Variants in DNAH14 observed in about 807,000 individuals in gnomAD.
The protein encoded by DNAH14 is dynein axonemal heavy chain 14.
In DNAH14, 478 loss-of-function variants were observed where a neutral mutation model predicts 520.9. That is an observed-to-expected ratio of 0.92 (90% CI 0.85 to 0.99). The LOEUF is 0.99. DNAH14 is among the 50% of genes least tolerant of loss of function. The pLI, the probability that DNAH14 is intolerant of heterozygous loss-of-function variation, is 0.00. For synonymous variants in DNAH14, 1,581 were observed against 1,757.2 expected (o/e 0.90, Z 2.51); for missense variants, 4,831 against 5,234.5 (o/e 0.92, Z 2.38).
chr1:225,085,514 G>A, intron 20 of DNAH14, 30 bp from the exon 21 acceptor site: 1 of 1,513,306 alleles, frequency 6.6e-7, no homozygotes, highest in Non-Finnish European at 8.9e-7. Context: ...TTGCTATACT[G>A]GATACTAAAG....
intron 11 of DNAH14, among the ~76,000 whole-genome samples, chr1:225,026,556 C>T (rs2066136718): frequency 6.6e-6 from 1 of 152,110 alleles, no homozygotes; most frequent in Admixed American, 6.6e-5. Flanking sequence ...CCCTCGTTGA[C>T]AATCAGCTGA....
In DNAH14 at chr1:225,360,621, T is replaced by C. The variant is rs1270406004; in HGVS notation, c.11777-60T>C. 5.7e-6 allele frequency: 8 copies of C among 1,414,838 alleles called. No individual in the cohort carries two copies. The African/African-American group carries it at 5.7e-5, about 10-fold the overall frequency. 87.6% of individuals were successfully genotyped at this position (1,414,838 alleles called of 1,614,324 possible). A position where few individuals can be genotyped will look rare whatever the true frequency, so the allele number is the denominator to read the frequency against. Reference sequence around the variant, plus strand: ...CTACTCAATAAATGCTGGATTGTGATTTTTAAAAGGGAATTAAATGAGCTT... The same window carrying C: ...CTACTCAATAAATGCTGGATTGTGACTTTTAAAAGGGAATTAAATGAGCTT... On this transcript the variant is annotated intron_variant, in intron 74 of 85. Transcript: ENST00000682510.
intron 1 of DNAH14, among the ~76,000 whole-genome samples, chr1:224,941,235 A>G (rs7365610): frequency 6.6e-6 from 1 of 150,976 alleles, no homozygotes; most frequent in South Asian, 2.1e-4. Flanking sequence ...ATGGTATCTC[A>G]TTGTGGTTTT....
intron 34 of DNAH14, among the ~76,000 whole-genome samples, chr1:225,155,121 T>C (rs1303195418): frequency 6.6e-6 from 1 of 152,148 alleles, no homozygotes. Context: ...AAATATAAAG[T>C]TGGGCAAAAC....
At chr1:224,936,925 A>G (rs2059080302) in intron 1 of DNAH14, among the ~76,000 whole-genome samples, 6 of 152,062 alleles carry the variant, frequency 3.9e-5, no homozygotes, top group Admixed American at 3.9e-4. Flanking sequence ...TACACAAATC[A>G]GTGAATGTGA....
chr1:225,013,995 T>C (rs2065014555), intron 10 of DNAH14, among the ~76,000 whole-genome samples: 1 of 152,066 alleles, frequency 6.6e-6, no homozygotes. Flanking sequence ...CAGGTGCCAC[T>C]GGGGTATGAA....
intron 81 of DNAH14, 49 bp from the exon 82 acceptor site, chr1:225,388,330 C>G (rs1450618395): frequency 1.7e-6 from 2 of 1,199,090 alleles, no homozygotes; most frequent in Admixed American, 2.1e-5. Flanking sequence ...TCCTAATGAC[C>G]CCAAAGACAA....
chr1:225,304,604 C>A (rs1244421812), intron 57 of DNAH14, among the ~76,000 whole-genome samples: 2 of 151,992 alleles, frequency 1.3e-5, no homozygotes, highest in African/African-American at 2.4e-5. Context: ...AACATTATAA[C>A]CCTTGGCCAT....
intron 65 of DNAH14, among the ~76,000 whole-genome samples, 160 bp from the exon 66 acceptor site, chr1:225,333,131 T>G (rs1363426969): frequency 6.6e-6 from 1 of 152,232 alleles, no homozygotes; most frequent in Admixed American, 6.5e-5. Flanking sequence ...AGAAAACAGT[T>G]TATTTTTCAA....
At chr1:224,982,750 A>G (rs775635880) in intron 8 of DNAH14, among the ~76,000 whole-genome samples, 2 of 152,016 alleles carry the variant, frequency 1.3e-5, no homozygotes, top group Non-Finnish European at 2.9e-5. Context: ...TATTTGCATG[A>G]TATTCCATGT....
In DNAH14 at chr1:225,043,026, T is replaced by C. The variant is rs2067614293; in HGVS notation, c.1680T>C (p.Asn560=). Residue 560 remains asparagine, a synonymous_variant, in exon 13 of 86, where the codon AAT becomes AAC. Coordinates refer to ENST00000682510, the MANE Select transcript of DNAH14 (RefSeq NM_001367479.1). ...FEDEMSENKD[N]CVKKHSSEEL... ...ATGAAATGTCAGAAAATAAAGACAA[T>C]TGTGTCAAAAAACACTCAAGTGAAG... The C allele has an allele frequency of 6.4e-7, 1 of 1,551,548 alleles. No homozygotes were observed. Among genetic ancestry groups the C allele is most frequent in the South Asian group, 1.2e-5 (1 of 84,050 alleles).
rs569253522 is a variant in DNAH14, at chr1:225,082,575, C to T, written c.3163C>T (p.His1055Tyr). The T allele has an allele frequency of 9.7e-6, 15 of 1,551,162 alleles. No individual in the cohort carries two copies. The African/African-American group carries it at 1.4e-4, about 14-fold the overall frequency. The change falls in exon 20 of 86, where the codon CAT (histidine) becomes TAT (tyrosine). Residue 1055 changes from histidine to tyrosine, a missense_variant. Transcript: ENST00000682510. ...KGLPKSDMVT[H>Y]LKQVVTEFKQ... is the part of the protein sequence containing the mutation. Reference sequence around the variant, plus strand: ...TTTACCTAAAAGCGATATGGTAACACATCTTAAGCAAGTGGTAACAGAGTT... The same window carrying T: ...TTTACCTAAAAGCGATATGGTAACATATCTTAAGCAAGTGGTAACAGAGTT...
intron 8 of DNAH14, among the ~76,000 whole-genome samples, chr1:224,997,198 G>A (rs1273218832): frequency 1.3e-5 from 2 of 152,060 alleles, no homozygotes; most frequent in African/African-American, 4.8e-5. Context: ...ACCCTAGGTG[G>A]TCTAGCCATG....
intron 69 of DNAH14, among the ~76,000 whole-genome samples, chr1:225,343,808 G>A (rs1267862632): frequency 6.6e-6 from 1 of 151,772 alleles, no homozygotes; most frequent in Non-Finnish European, 1.5e-5. Flanking sequence ...TAAGACTGGA[G>A]CCATCTGCTG....
intron 60 of DNAH14, among the ~76,000 whole-genome samples, chr1:225,318,341 C>CTCAGTGTTT (rs1167931230): frequency 2.0e-5 from 3 of 152,154 alleles, no homozygotes; most frequent in Non-Finnish European, 4.4e-5. Context: ...GCAGAAATCA[C>CTCAGTGTTT]TCAGTGTTTT....
At position 225,120,450 on chromosome 1, in the gene DNAH14, TGTAG is replaced by T. The variant is rs1436477256; in HGVS notation, c.4166+1157_4166+1160del. On this transcript the variant is annotated intron_variant, in intron 26 of 85. Transcript: ENST00000682510. ...ACCCCTAAACCGTAATTTCTAATCT[TGTAG>T]ATAATTTGTTAATCCTACAAAGGCA... Among the ~76,000 whole-genome samples, 5 of 152,348 alleles carry T rather than the reference TGTAG, an allele frequency of 3.3e-5. No individual in the cohort carries two copies. The East Asian group carries it at 7.7e-4, about 24-fold the overall frequency.
At chr1:225,042,291 G>C (rs976778217) in intron 12 of DNAH14, among the ~76,000 whole-genome samples, 2 of 152,140 alleles carry the variant, frequency 1.3e-5, no homozygotes, top group African/African-American at 4.8e-5. Context: ...GAGAACCCAA[G>C]CCCAGACAGA....
intron 9 of DNAH14, among the ~76,000 whole-genome samples, chr1:225,006,020 A>G (rs2449283): frequency 0.095 from 14,463 of 152,088 alleles, 2,197 homozygotes; most frequent in African/African-American, 0.33. Flanking sequence ...GCAGAATAAC[A>G]TAAATTGTGA....
chr1:225,086,894 G>C (rs2073867753), intron 21 of DNAH14, among the ~76,000 whole-genome samples: 1 of 151,880 alleles, frequency 6.6e-6, no homozygotes, highest in Non-Finnish European at 1.5e-5. Flanking sequence ...AAAGCCCTAT[G>C]AAAATGAATA....
Sources: allele counts gnomAD v4.1 joint callset (sites outside exome capture counted in the v4.1 genomes callset), GRCh38; gene constraint gnomAD v4.1.1; transcripts MANE v1.5; gene names NCBI Gene and HGNC (gene_info 2026-07-23, HGNC 2026-07-21).